PNKD: variants seen among roughly 807,000 people sequenced by gnomAD.
PNKD encodes probable thioesterase PNKD.
PNKD carries 36 observed loss-of-function variants against 45.3 expected under a neutral mutation model. The observed-to-expected ratio is 0.80, with a 90% confidence interval of 0.61 to 1.05. The LOEUF (loss-of-function observed/expected upper bound fraction) is 1.05, where lower values mean the gene tolerates loss of function less well. Ranked by LOEUF, PNKD falls within the 50% of genes least tolerant of loss-of-function variation. The pLI, the probability that PNKD is intolerant of heterozygous loss-of-function variation, is 0.00. For synonymous variants in PNKD, 197 were observed against 210.1 expected, an observed-to-expected ratio of 0.94 and a Z score of 0.54; for missense variants, 511 against 506.6, an observed-to-expected ratio of 1.01 and a Z score of -0.08.
chr2:218,300,551 CT>C (rs60503613), intron 2 of PNKD, among the ~76,000 whole-genome samples: 11 of 143,936 alleles, frequency 7.6e-5, no homozygotes, highest in Admixed American at 7.0e-5. Flanking sequence ...CTTTTCTTTT[CT>C]TTTTTTTTTT....
rs139801054 is a variant in PNKD, at chr2:218,304,765, G to A, written c.236+33216G>A. 4.4e-4 allele frequency among the ~76,000 whole-genome samples: 67 copies of A among 152,210 alleles called. 1 individual carries two copies. In the South Asian group the frequency reaches 7.0e-3, roughly 16 times the overall value. On this transcript the variant is annotated intron_variant, in intron 2 of 9. Transcript: ENST00000273077. ...GAGTCATTATTCTCTCCAAGCCTTC[G>A]TTTGTTCATCTCTAAAGTGGGGCGA...
intron 2 of PNKD, among the ~76,000 whole-genome samples, chr2:218,273,263 G>GTTTTGTT (rs149810512): frequency 4.0e-5 from 6 of 151,696 alleles, no homozygotes; most frequent in Admixed American, 6.6e-5. Flanking sequence ...TTCCTCATTT[G>GTTTTGTT]TTTTGTTTTT....
chr2:218,333,841 G>A (rs1245508439), intron 2 of PNKD, among the ~76,000 whole-genome samples: 1 of 151,496 alleles, frequency 6.6e-6, no homozygotes, highest in Admixed American at 6.6e-5. Context: ...TGGGCCAGGC[G>A]CCGTGGCTCA....
At chr2:218,312,554 C>A (rs538378292) in intron 2 of PNKD, among the ~76,000 whole-genome samples, 2 of 124,608 alleles carry the variant, frequency 1.6e-5, no homozygotes, top group South Asian at 2.9e-4. Flanking sequence ...ATCTGCCACA[C>A]CCATGTTGTT....
At chr2:218,333,407 C>T (rs950345985) in intron 2 of PNKD, among the ~76,000 whole-genome samples, 5 of 152,348 alleles carry the variant, frequency 3.3e-5, no homozygotes, top group Middle Eastern at 3.4e-3. Flanking sequence ...GGGAGCTTAT[C>T]ACCCCTCCCA....
At chr2:218,280,276 G>C in intron 2 of PNKD, 1 of 637,132 alleles carries the variant, frequency 1.6e-6, no homozygotes, top group South Asian at 1.8e-5. Flanking sequence ...GGGTCTTCTA[G>C]ACACCCTCAG....
chr2:218,337,369 G>A (rs955293641), intron 2 of PNKD, among the ~76,000 whole-genome samples: 7 of 152,134 alleles, frequency 4.6e-5, no homozygotes, highest in East Asian at 1.9e-4. Context: ...CACCGCGCCC[G>A]GCCTTCAATT....
chr2:218,272,561 C>T (rs1262989966), intron 2 of PNKD: 10 of 1,613,446 alleles, frequency 6.2e-6, no homozygotes, highest in South Asian at 5.5e-5. Flanking sequence ...CACATCTCCC[C>T]ACCCGTAGGG....
intron 2 of PNKD, among the ~76,000 whole-genome samples, chr2:218,283,366 T>C (rs961690274): frequency 6.6e-6 from 1 of 152,236 alleles, no homozygotes; most frequent in Non-Finnish European, 1.5e-5. Flanking sequence ...CTTCATGTTA[T>C]GCGGTGCTCT....
At chr2:218,278,726 A>T (rs1294887212) in intron 2 of PNKD, among the ~76,000 whole-genome samples, 3 of 152,200 alleles carry the variant, frequency 2.0e-5, no homozygotes, top group Non-Finnish European at 4.4e-5. Flanking sequence ...AGGGTCACTG[A>T]GATGCTCTGA....
chr2:218,335,926 C>T lies in PNKD; in HGVS notation c.237-3857C>T, dbSNP rs547988729. Among the ~76,000 whole-genome samples, 5 of 152,176 alleles carry T rather than the reference C, an allele frequency of 3.3e-5. No individual in the cohort carries two copies. In the South Asian group the frequency reaches 1.0e-3, roughly 32 times the overall value. On this transcript the variant is annotated intron_variant, in intron 2 of 9. Transcript: ENST00000273077. ...CATACACGGTCAATCCTTGTAGAGA[C>T]TTAGGGTCAGCCAGGCGTGGTGGCT... is the stretch of plus-strand genomic sequence containing the variant.
intron 2 of PNKD, among the ~76,000 whole-genome samples, chr2:218,331,419 C>A (rs1023635998): frequency 4.0e-5 from 6 of 151,076 alleles, no homozygotes; most frequent in Admixed American, 6.6e-5. Flanking sequence ...AAAAAAAAAA[C>A]CCAAAACAAA....
chr2:218,346,612 T>G lies in PNKD; in HGVS notation c.*1631T>G, dbSNP rs1276271069. On this transcript the variant is annotated 3_prime_UTR_variant, in exon 10 of 10. Coordinates refer to ENST00000273077, the MANE Select transcript of PNKD (RefSeq NM_015488.5). The stretch of plus-strand genomic sequence containing the variant: ...GCTACCTCTGCACTTTGTCAATGCT[T>G]CTCTTGTGGCACTTATCACACTGTA... 6.5e-6 allele frequency: 1 copy of G among 153,976 alleles called. No individual in the cohort carries two copies. Among genetic ancestry groups the G allele is most frequent in the Non-Finnish European group, 1.5e-5 (1 of 68,124 alleles). The allele number at this position is 153,976 out of a possible 1,614,324, so 9.5% of individuals were successfully genotyped here.
chr2:218,340,669 C>T lies in PNKD; in HGVS notation c.466-59C>T. The T allele has an allele frequency of 7.8e-7, 1 of 1,281,994 alleles. No individual in the cohort carries two copies. The highest frequency in any genetic ancestry group is 1.5e-5 in the African/African-American group (1 of 68,348). 79.4% of individuals were successfully genotyped at this position (1,281,994 alleles called of 1,614,324 possible). A position where few individuals can be genotyped will look rare whatever the true frequency, so the allele number is the denominator to read the frequency against. On this transcript the variant is annotated intron_variant, in intron 4 of 9. Transcript: ENST00000273077. This position sits in a 1 kb window ranked among gnomAD's most constrained non-coding sequence, Gnocchi z 4.2. The stretch of plus-strand genomic sequence containing the variant: ...CCAGCGCCCACACTCCTGGCTCTTG[C>T]TGCTTCAAGTGCCTCTTGCATCCTG...
At chr2:218,324,849 T>G (rs796665389) in intron 2 of PNKD, among the ~76,000 whole-genome samples, 18 of 151,610 alleles carry the variant, frequency 1.2e-4, no homozygotes, top group African/African-American at 4.4e-4. Context: ...GCAGGAAAAT[T>G]GCTTGAAGCC....
At chr2:218,328,728 G>A (rs187906201) in intron 2 of PNKD, among the ~76,000 whole-genome samples, 92 of 152,362 alleles carry the variant, frequency 6.0e-4, no homozygotes, top group Admixed American at 1.0e-3. Flanking sequence ...ATGAATAAAT[G>A]AATGAAAAGC....
At chr2:218,322,846 G>A (rs1574700460) in intron 2 of PNKD, among the ~76,000 whole-genome samples, 1 of 152,238 alleles carries the variant, frequency 6.6e-6, no homozygotes. Context: ...AAGTAATTCG[G>A]CGAATGAATA....
intron 2 of PNKD, among the ~76,000 whole-genome samples, chr2:218,329,124 G>A (rs192270937): frequency 2.0e-5 from 3 of 152,308 alleles, no homozygotes; most frequent in Admixed American, 2.0e-4. Flanking sequence ...CAGGAGAATC[G>A]CTTCAAACTG....
At chr2:218,296,215 A>G (rs928787143) in intron 2 of PNKD, among the ~76,000 whole-genome samples, 1 of 152,244 alleles carries the variant, frequency 6.6e-6, no homozygotes, top group African/African-American at 2.4e-5. Flanking sequence ...TTGTACTAAA[A>G]AAAAGTACTC....
Sources: allele counts gnomAD v4.1 joint callset (sites outside exome capture counted in the v4.1 genomes callset), GRCh38; gene constraint gnomAD v4.1.1; non-coding constraint Gnocchi (gnomAD v3.1); transcripts MANE v1.5; gene names NCBI Gene and HGNC (gene_info 2026-07-23, HGNC 2026-07-21).